The following RBFOX1 variants were observed in gnomAD, a reference collection of about 807,000 sequenced individuals.
RBFOX1 encodes RNA binding fox-1 homolog 1.
A neutral mutation model predicts 57.7 loss-of-function variants in RBFOX1; 8 were observed. The observed-to-expected ratio is 0.14, with a 90% CI of 0.08 to 0.25. The LOEUF is 0.25. RBFOX1 is among the 10% of genes least tolerant of loss of function. The probability of loss-of-function intolerance (pLI) is 1.00; values close to 1 mark genes in which losing one functional copy is unlikely to be tolerated. For missense variants in RBFOX1, 611 were observed against 548.5 expected (o/e 1.11, Z -1.14); for synonymous variants, 326 against 222.4 (o/e 1.47, Z -4.15).
At chr16:5,845,053 C>G (rs963519253) in intron 3 of RBFOX1, among the ~76,000 whole-genome samples, 1 of 138,874 alleles carries the variant, frequency 7.2e-6, no homozygotes, top group Non-Finnish European at 1.5e-5. Flanking sequence ...AGCTAATTAC[C>G]CGAGATTCTT....
chr16:6,266,712 T>TAAAA (rs112417452), intron 1 of RBFOX1, among the ~76,000 whole-genome samples: 3 of 135,976 alleles, frequency 2.2e-5, no homozygotes. Flanking sequence ...AGACTCTGTC[T>TAAAA]AAAAAAAAAA....
intron 4 of RBFOX1, among the ~76,000 whole-genome samples, chr16:7,158,328 A>G (rs966668685): frequency 1.3e-5 from 2 of 152,184 alleles, no homozygotes; most frequent in African/African-American, 4.8e-5. Context: ...CCTGGTCAAC[A>G]AGAGTGAACT....
chr16:6,214,767 G>A (rs1237125049), intron 1 of RBFOX1, among the ~76,000 whole-genome samples: 2 of 114,778 alleles, frequency 1.7e-5, no homozygotes, highest in Non-Finnish European at 3.6e-5. Context: ...GAGAGAAGGA[G>A]AGAGAGAGAG....
At chr16:5,374,431 G>C (rs1392985989) in intron 1 of RBFOX1, among the ~76,000 whole-genome samples, 1 of 152,192 alleles carries the variant, frequency 6.6e-6, no homozygotes, top group Non-Finnish European at 1.5e-5. Flanking sequence ...AGATTGTGGA[G>C]AGGAATTCCA....
intron 1 of RBFOX1, among the ~76,000 whole-genome samples, chr16:5,440,246 C>G (rs2068043910): frequency 1.3e-5 from 2 of 152,170 alleles, no homozygotes; most frequent in African/African-American, 4.8e-5. Flanking sequence ...ATCTTTGGTT[C>G]TTTAGATATC....
intron 3 of RBFOX1, among the ~76,000 whole-genome samples, chr16:5,799,257 G>C (rs1390096092): frequency 6.6e-6 from 1 of 152,086 alleles, no homozygotes; most frequent in Non-Finnish European, 1.5e-5. Context: ...CTGCCCCCAT[G>C]ACTCATTTAT....
chr16:5,498,885 C>G (rs561542765), intron 2 of RBFOX1, among the ~76,000 whole-genome samples: 5 of 152,336 alleles, frequency 3.3e-5, no homozygotes, highest in African/African-American at 4.8e-5. Context: ...AGGCCTTTGG[C>G]CATCGTGGGT....
At position 5,379,405 on chromosome 16, in the gene RBFOX1, C is replaced by A. The variant is rs569091043; in HGVS notation, c.220-87811C>A. Reference sequence around the variant, plus strand: ...TTTATCTTGTGAGTTACACTTGGGCCATTCCTACCTGGGGTGGAGAGCTGT... The same window carrying A: ...TTTATCTTGTGAGTTACACTTGGGCAATTCCTACCTGGGGTGGAGAGCTGT... On this transcript the variant is annotated intron_variant, in intron 1 of 2. Coordinates refer to the RBFOX1 transcript ENST00000585867. 4.7e-5 allele frequency among the ~76,000 whole-genome samples: 7 copies of A among 148,924 alleles called. No individual in the cohort carries two copies. The South Asian group carries it at 1.4e-3, about 31-fold the overall frequency.
chr16:7,017,693 T>C (rs980180623), intron 3 of RBFOX1, among the ~76,000 whole-genome samples: 1 of 152,216 alleles, frequency 6.6e-6, no homozygotes, highest in Non-Finnish European at 1.5e-5. Flanking sequence ...CTTTTCCTTT[T>C]CTAGATGTTC....
chr16:7,390,743 A>T (rs2097993508), intron 4 of RBFOX1, among the ~76,000 whole-genome samples: 1 of 152,124 alleles, frequency 6.6e-6, no homozygotes, highest in Non-Finnish European at 1.5e-5. Flanking sequence ...ATGCATTTAG[A>T]GATTTGTTTT....
chr16:6,034,977 A>G (rs529482551), intron 1 of RBFOX1, among the ~76,000 whole-genome samples: 790 of 76,076 alleles, frequency 0.01, 4 homozygotes, highest in Non-Finnish European at 0.015. Context: ...AGAGCATACT[A>G]TTGAGTTACA....
At chr16:7,541,316 T>G (rs1331102907) in intron 5 of RBFOX1, among the ~76,000 whole-genome samples, 1 of 152,198 alleles carries the variant, frequency 6.6e-6, no homozygotes, top group African/African-American at 2.4e-5. Context: ...TGGCTGCAAA[T>G]GTGAGGCAAA....
chr16:7,675,945 GATC>G (rs1430444569), intron 13 of RBFOX1, among the ~76,000 whole-genome samples: 4 of 152,178 alleles, frequency 2.6e-5, no homozygotes, highest in Non-Finnish European at 5.9e-5. Context: ...TTCACAGTTT[GATC>G]ATCAACGCTC....
At chr16:6,131,934 A>T (rs976356608) in intron 1 of RBFOX1, among the ~76,000 whole-genome samples, 5 of 152,186 alleles carry the variant, frequency 3.3e-5, no homozygotes, top group Non-Finnish European at 5.9e-5. Flanking sequence ...CGTCTGGCGG[A>T]TAATGACACT....
chr16:6,275,937 C>T (rs1173761598), intron 1 of RBFOX1, among the ~76,000 whole-genome samples: 2 of 152,074 alleles, frequency 1.3e-5, no homozygotes, highest in Non-Finnish European at 2.9e-5. Context: ...GATGGCAAGC[C>T]AGGGTGAGTT....
chr16:6,009,896 C>T (rs1009671457), intron 4 of RBFOX1, among the ~76,000 whole-genome samples: 3 of 151,852 alleles, frequency 2.0e-5, no homozygotes, highest in Admixed American at 2.0e-4. Flanking sequence ...ATCAGAATCT[C>T]CAGCATGGAG....
At chr16:7,308,170 A>T (rs1180438765) in intron 4 of RBFOX1, among the ~76,000 whole-genome samples, 2 of 152,168 alleles carry the variant, frequency 1.3e-5, no homozygotes, top group African/African-American at 4.8e-5. Context: ...GTTTATTTCT[A>T]TTGTAAGTAA....
At chr16:7,415,107 G>A (rs551417522) in intron 4 of RBFOX1, among the ~76,000 whole-genome samples, 2 of 152,318 alleles carry the variant, frequency 1.3e-5, no homozygotes, top group Non-Finnish European at 2.9e-5. Context: ...AGTACCAACT[G>A]TAATCCTCTT....
chr16:7,126,974 A>G (rs1432669284), intron 4 of RBFOX1, among the ~76,000 whole-genome samples: 1 of 148,558 alleles, frequency 6.7e-6, no homozygotes. Context: ...GCGCCACTAC[A>G]CTGCAGCCTG....
Sources: allele counts gnomAD v4.1 joint callset (sites outside exome capture counted in the v4.1 genomes callset), GRCh38; gene constraint gnomAD v4.1.1; transcripts MANE v1.5; gene names NCBI Gene and HGNC (gene_info 2026-07-23, HGNC 2026-07-21).